PEAK1: variants seen among roughly 807,000 people sequenced by gnomAD.
PEAK1 encodes pseudopodium enriched atypical kinase 1.
Under a neutral mutation model 124.7 loss-of-function variants are expected in PEAK1, and 54 were observed. The observed-to-expected ratio is 0.43, with a 90% CI of 0.35 to 0.54. The LOEUF is 0.54. PEAK1 is among the 20% of genes least tolerant of loss of function. The pLI, the probability that PEAK1 is intolerant of heterozygous loss-of-function variation, is 0.01. For synonymous variants in PEAK1, 719 were observed against 760.0 expected, an observed-to-expected ratio of 0.95 and a Z score of 0.89; for missense variants, 2,046 against 2,134.5, an observed-to-expected ratio of 0.96 and a Z score of 0.82.
Position 77,380,239 on chromosome 15 carries a change from CG to C in PEAK1, c.-665-15015del, listed in dbSNP as rs537593587. 4.7e-3 allele frequency among the ~76,000 whole-genome samples: 709 copies of C among 152,182 alleles called. 4 individuals are homozygous for C. The highest frequency in any genetic ancestry group is 6.8e-3 in the Non-Finnish European group (464 of 67,996). ...ACCTGCCCTGGTAATCAATAATACACGCTGGTTATGTAATAATACAGGCCGA... is the reference window on the plus strand; with the variant it reads ...ACCTGCCCTGGTAATCAATAATACACCTGGTTATGTAATAATACAGGCCGA... On this transcript the variant is annotated intron_variant, in intron 1 of 9. Coordinates refer to ENST00000682557, the MANE Select transcript of PEAK1 (RefSeq NM_001385026.1).
chr15:77,256,044 T>C (rs533897529), intron 5 of PEAK1, among the ~76,000 whole-genome samples: 31 of 152,146 alleles, frequency 2.0e-4, no homozygotes, highest in Middle Eastern at 3.2e-3. Context: ...GGGGATAGCA[T>C]GAAGTTAAAT....
intron 2 of PEAK1, among the ~76,000 whole-genome samples, chr15:77,294,621 T>C (rs1353335022): frequency 2.0e-5 from 3 of 152,174 alleles, no homozygotes; most frequent in Admixed American, 2.0e-4. Flanking sequence ...GATAAACACA[T>C]GCATTATAAA....
At chr15:77,186,324 C>T (rs2152827882) in intron 6 of PEAK1, among the ~76,000 whole-genome samples, 1 of 152,196 alleles carries the variant, frequency 6.6e-6, no homozygotes, top group African/African-American at 2.4e-5. Context: ...TTTGCTTTTT[C>T]AAAGACTAGT....
intron 1 of PEAK1, chr15:77,417,792 G>A (rs990073759): frequency 5.2e-4 from 510 of 985,112 alleles, no homozygotes; most frequent in Admixed American, 7.4e-4. Flanking sequence ...GCTTCACCAC[G>A]GAACAATTTA....
At chr15:77,150,652 TCCCTCCC>T (rs1447821399) in intron 8 of PEAK1, among the ~76,000 whole-genome samples, 3 of 131,266 alleles carry the variant, frequency 2.3e-5, no homozygotes, top group African/African-American at 8.7e-5. Flanking sequence ...CCTAATGCTA[TCCCTCCC>T]CCCTCCCCCC....
intron 8 of PEAK1, among the ~76,000 whole-genome samples, chr15:77,152,319 G>A (rs1418489292): frequency 1.3e-5 from 2 of 151,976 alleles, no homozygotes; most frequent in Non-Finnish European, 2.9e-5. Flanking sequence ...GAATGCTTGT[G>A]ATTTTTGTAC....
chr15:77,374,689 T>A (rs2141725675), intron 1 of PEAK1, among the ~76,000 whole-genome samples: 1 of 152,332 alleles, frequency 6.6e-6, no homozygotes, highest in East Asian at 1.9e-4. Context: ...AGAAAAATTG[T>A]CTTTTATTCA....
rs1226569824 is a variant in PEAK1 at position 77,112,422 on chromosome 15, G to C, written c.*1734C>G. ...CTTGGCTTTAAGGAAACTCTGCACTGGTAGATGAGGGGCCTCAGGGCTCAC... is the reference window on the plus strand; with the variant it reads ...CTTGGCTTTAAGGAAACTCTGCACTCGTAGATGAGGGGCCTCAGGGCTCAC... On this transcript the variant is annotated 3_prime_UTR_variant, in exon 10 of 10. Transcript: ENST00000682557. 6 of 152,194 alleles carry C rather than the reference G, an allele frequency of 3.9e-5. No individual in the cohort carries two copies. The highest frequency in any genetic ancestry group is 1.4e-4 in the African/African-American group (6 of 41,442). The allele number at this position is 152,194 out of a possible 1,614,324, so 9.4% of individuals were successfully genotyped here. A position where few individuals can be genotyped will look rare whatever the true frequency, so the allele number is the denominator to read the frequency against.
At chr15:77,323,680 A>G (rs1431554595) in intron 2 of PEAK1, among the ~76,000 whole-genome samples, 1 of 152,208 alleles carries the variant, frequency 6.6e-6, no homozygotes, top group African/African-American at 2.4e-5. Context: ...GGTAGGAAGA[A>G]TCAATACCAT....
chr15:77,118,840 A>G (rs1387360943), intron 9 of PEAK1, among the ~76,000 whole-genome samples: 1 of 152,212 alleles, frequency 6.6e-6, no homozygotes, highest in Non-Finnish European at 1.5e-5. Context: ...CTAATAGGGG[A>G]AAAATCACCT....
chr15:77,338,808 T>A (rs1015108019), intron 2 of PEAK1, among the ~76,000 whole-genome samples: 1 of 151,978 alleles, frequency 6.6e-6, no homozygotes, highest in Admixed American at 6.5e-5. Flanking sequence ...CATGCATTTC[T>A]ATCTAAGCTA....
At chr15:77,335,320 A>C (rs2141275400) in intron 2 of PEAK1, 5 of 985,378 alleles carry the variant, frequency 5.1e-6, no homozygotes, top group Admixed American at 6.1e-5. Flanking sequence ...AGTGGCATTA[A>C]GCTCTAGCTT....
intron 2 of PEAK1, chr15:77,332,402 A>C: frequency 4.1e-5 from 13 of 319,956 alleles, no homozygotes; most frequent in Non-Finnish European, 4.5e-5. Flanking sequence ...GATTGAGATC[A>C]TCCTGGCTAA....
intron 2 of PEAK1, among the ~76,000 whole-genome samples, chr15:77,362,845 TTTTTA>T (rs2067984144): frequency 6.6e-6 from 1 of 152,122 alleles, no homozygotes; most frequent in South Asian, 2.1e-4. Context: ...AAAGTGTGAC[TTTTTA>T]TTTTATTTAT....
rs972577000 is a variant in PEAK1, at chr15:77,370,794, G to A, written c.-665-5569C>T. The A allele has an allele frequency of 9.0e-5, 83 of 924,024 alleles. 1 individual carries two copies. Among genetic ancestry groups the A allele is most frequent in the Non-Finnish European group, 1.0e-4 (78 of 774,184 alleles). The allele number at this position is 924,024 out of a possible 1,614,324, so 57.2% of individuals were successfully genotyped here. On this transcript the variant is annotated intron_variant, in intron 1 of 9. Transcript: ENST00000682557. ...TGCCTGTAATCTCAACACTTTGGGA[G>A]GCTGAAGCAGGCGGATAATGAGGTC...
chr15:77,250,181 GTATATATATACATATATATACATATA>G (rs2060792260), intron 6 of PEAK1, among the ~76,000 whole-genome samples: 2 of 105,548 alleles, frequency 1.9e-5, no homozygotes, highest in Admixed American at 2.0e-4. Flanking sequence ...ATATGTATAT[GTATATATATACATATATATACATATA>G]TATGTATATA....
At chr15:77,393,969 A>T (rs1365964851) in intron 1 of PEAK1, among the ~76,000 whole-genome samples, 1 of 152,190 alleles carries the variant, frequency 6.6e-6, no homozygotes, top group African/African-American at 2.4e-5. Flanking sequence ...GGCCTGAGTG[A>T]ACATCAGCAG....
chr15:77,369,812 C>T (rs948828907), intron 1 of PEAK1, among the ~76,000 whole-genome samples: 9 of 152,078 alleles, frequency 5.9e-5, no homozygotes, highest in African/African-American at 1.9e-4. Context: ...ATTGCAAAGG[C>T]GCTGACTATG....
At chr15:77,119,214 T>C (rs2051684686) in intron 9 of PEAK1, among the ~76,000 whole-genome samples, 2 of 152,192 alleles carry the variant, frequency 1.3e-5, no homozygotes, top group African/African-American at 4.8e-5. Context: ...CCTCGCCCAC[T>C]TGCCAGCTCA....
Sources: gnomAD v4.1 joint callset for allele counts (sites outside exome capture counted in the v4.1 genomes callset) on GRCh38, gnomAD v4.1.1 for gene constraint, MANE v1.5 for transcripts, NCBI Gene and HGNC (gene_info 2026-07-23, HGNC 2026-07-21) for gene names.